AP3B1: variants seen among roughly 807,000 people sequenced by gnomAD.
The protein encoded by AP3B1 is adaptor related protein complex 3 subunit beta 1, also known as AP-3 complex subunit beta-1.
In AP3B1, 61 loss-of-function variants were observed where a neutral mutation model predicts 132.5. The observed-to-expected ratio is 0.46, with a 90% confidence interval of 0.37 to 0.57. AP3B1 has a LOEUF of 0.57. Among genes scored for constraint, AP3B1 ranks in the 20% least tolerant of loss-of-function variants. The pLI, the probability that AP3B1 is intolerant of heterozygous loss-of-function variation, is 0.00. For missense variants in AP3B1, 1,120 were observed against 1,289.4 expected (o/e 0.87, Z 2.01); for synonymous variants, 388 against 438.3 (o/e 0.89, Z 1.43).
At chr5:78,174,008 C>G (rs554431085) in intron 11 of AP3B1, among the ~76,000 whole-genome samples, 2 of 152,192 alleles carry the variant, frequency 1.3e-5, no homozygotes, top group Admixed American at 6.5e-5. Context: ...TCACAAAGCT[C>G]TCGTGCCACA....
At chr5:78,223,362 C>T (rs879746200) in intron 6 of AP3B1, among the ~76,000 whole-genome samples, 4 of 151,872 alleles carry the variant, frequency 2.6e-5, no homozygotes, top group Non-Finnish European at 4.4e-5. Flanking sequence ...GAGTGCCTCA[C>T]AAAGGGTAGG....
chr5:78,245,034 A>C (rs1440428683), intron 2 of AP3B1, among the ~76,000 whole-genome samples: 1 of 151,994 alleles, frequency 6.6e-6, no homozygotes, highest in Non-Finnish European at 1.5e-5. Flanking sequence ...GTTGGGGACC[A>C]GCCTCAAAAC....
intron 1 of AP3B1, among the ~76,000 whole-genome samples, chr5:78,288,983 A>G (rs1749398150): frequency 6.6e-6 from 1 of 151,328 alleles, no homozygotes; most frequent in Admixed American, 6.6e-5. Context: ...CAGACACTAG[A>G]TAAAATTAAG....
intron 26 of AP3B1, among the ~76,000 whole-genome samples, chr5:78,014,345 A>G (rs1163765634): frequency 6.6e-6 from 1 of 152,224 alleles, no homozygotes. Flanking sequence ...AGTCAAATCT[A>G]ATGTTCTTTC....
intron 26 of AP3B1, among the ~76,000 whole-genome samples, chr5:78,009,634 T>C (rs942632314): frequency 1.3e-5 from 2 of 152,174 alleles, no homozygotes; most frequent in Non-Finnish European, 1.5e-5. Flanking sequence ...ACTTTCCTAA[T>C]AGTTAAGGAC....
At chr5:78,284,153 A>C (rs1328632978) in intron 1 of AP3B1, among the ~76,000 whole-genome samples, 1 of 152,222 alleles carries the variant, frequency 6.6e-6, no homozygotes, top group Non-Finnish European at 1.5e-5. Flanking sequence ...CATCACATAC[A>C]TGAAATGTGA....
At chr5:78,179,030 T>C (rs1744262211) in intron 8 of AP3B1, among the ~76,000 whole-genome samples, 1 of 152,212 alleles carries the variant, frequency 6.6e-6, no homozygotes, top group African/African-American at 2.4e-5. Context: ...ATTTAAAAAA[T>C]GCAAGAATAT....
At chr5:78,193,614 G>C (rs1486237881) in intron 7 of AP3B1, among the ~76,000 whole-genome samples, 3 of 148,360 alleles carry the variant, frequency 2.0e-5, no homozygotes, top group Admixed American at 6.7e-5. Context: ...GTTTTTAGTA[G>C]AACTGCTTAA....
intron 2 of AP3B1, among the ~76,000 whole-genome samples, chr5:78,264,016 T>C (rs556755408): frequency 2.6e-5 from 4 of 152,298 alleles, no homozygotes; most frequent in East Asian, 1.9e-4. Flanking sequence ...CTAGGAAGAA[T>C]AGACTATGCC....
At chr5:78,065,002 T>C (rs1257202713) in intron 22 of AP3B1, among the ~76,000 whole-genome samples, 1 of 151,760 alleles carries the variant, frequency 6.6e-6, no homozygotes, top group East Asian at 1.9e-4. Context: ...GCAACTGAGG[T>C]ATCTCTCACT....
chr5:78,063,807 T>C (rs1047483183), intron 22 of AP3B1, among the ~76,000 whole-genome samples: 1 of 152,172 alleles, frequency 6.6e-6, no homozygotes, highest in Non-Finnish European at 1.5e-5. Context: ...TCAATGAGGT[T>C]AAAGTGTACA....
At chr5:78,232,629 C>T (rs895954636) in intron 3 of AP3B1, among the ~76,000 whole-genome samples, 3 of 152,224 alleles carry the variant, frequency 2.0e-5, no homozygotes, top group Non-Finnish European at 4.4e-5. Flanking sequence ...TTTCAGATAT[C>T]ATCCTTCAAT....
chr5:78,101,201 T>C (rs143451548), intron 20 of AP3B1, among the ~76,000 whole-genome samples, 176 bp from the exon 21 acceptor site: 30 of 152,278 alleles, frequency 2.0e-4, no homozygotes, highest in Non-Finnish European at 3.8e-4. Context: ...AATTAGCATA[T>C]AGTATTTCTT....
chr5:78,256,139 A>T (rs1364725709), intron 2 of AP3B1, among the ~76,000 whole-genome samples: 1 of 152,068 alleles, frequency 6.6e-6, no homozygotes, highest in Non-Finnish European at 1.5e-5. Context: ...AGTGAACAAA[A>T]CACAAAATTA....
At chr5:78,267,643 A>G (rs1748381903) in intron 1 of AP3B1, 48 bp from the exon 2 acceptor site, 1 of 1,112,762 alleles carries the variant, frequency 9.0e-7, no homozygotes, top group Non-Finnish European at 1.4e-6. Context: ...TTTTTATATT[A>G]GATAGCTTAA....
At chr5:78,147,580 A>G (rs1488043571) in intron 14 of AP3B1, among the ~76,000 whole-genome samples, 1 of 151,190 alleles carries the variant, frequency 6.6e-6, no homozygotes, top group East Asian at 1.9e-4. Flanking sequence ...TAAAACTGCT[A>G]TTTGTTCCTT....
intron 22 of AP3B1, among the ~76,000 whole-genome samples, chr5:78,054,291 G>T (rs1748712928): frequency 6.6e-6 from 1 of 152,222 alleles, no homozygotes; most frequent in African/African-American, 2.4e-5. Context: ...TCCCCAAGAT[G>T]ATGGTGGGCC....
Position 78,202,303 on chromosome 5 carries a change from T to A in AP3B1, c.786+13752A>T, listed in dbSNP as rs1057233218. Among the ~76,000 whole-genome samples the A allele has an allele frequency of 3.9e-5, 6 of 152,198 alleles. No individual in the cohort carries two copies. In the East Asian group the frequency reaches 5.8e-4, roughly 15 times the overall value. On this transcript the variant is annotated intron_variant, in intron 7 of 26. Coordinates refer to ENST00000255194, the MANE Select transcript of AP3B1 (RefSeq NM_003664.5). ...CTTTATTGGCAGCATGAAAATGGAC[T>A]AATACACAATCCTATATAAATTCTG...
At chr5:78,223,850 T>C (rs939833791) in intron 6 of AP3B1, among the ~76,000 whole-genome samples, 2 of 152,210 alleles carry the variant, frequency 1.3e-5, no homozygotes, top group African/African-American at 4.8e-5. Context: ...TCAAACGCTA[T>C]TGTTTTTACC....
Sources: gnomAD v4.1 joint callset for allele counts (sites outside exome capture counted in the v4.1 genomes callset) on GRCh38, gnomAD v4.1.1 for gene constraint, MANE v1.5 for transcripts, NCBI Gene and HGNC (gene_info 2026-07-23, HGNC 2026-07-21) for gene names.